Variants in GABRA1 observed in about 807,000 individuals in gnomAD.
The protein encoded by GABRA1 is gamma-aminobutyric acid type A receptor subunit alpha1, also known as gamma-aminobutyric acid receptor subunit alpha-1.
A neutral mutation model predicts 48.9 loss-of-function variants in GABRA1; 9 were observed. That is an observed-to-expected ratio of 0.18 (90% CI 0.11 to 0.32). The LOEUF (loss-of-function observed/expected upper bound fraction) is 0.32, where lower values mean the gene tolerates loss of function less well. GABRA1 is among the 10% of genes least tolerant of loss of function. The pLI, the probability that GABRA1 is intolerant of heterozygous loss-of-function variation, is 1.00. For synonymous variants in GABRA1, 210 were observed against 198.7 expected, an observed-to-expected ratio of 1.06 and a Z score of -0.48; for missense variants, 285 against 553.8, an observed-to-expected ratio of 0.51 and a Z score of 4.87.
chr5:161,874,634 ACTTT>A (rs1754268175), intron 5 of GABRA1, among the ~76,000 whole-genome samples: 1 of 152,134 alleles, frequency 6.6e-6, no homozygotes, highest in Admixed American at 6.6e-5. Flanking sequence ...ATGTGTTTTT[ACTTT>A]CTTTAATAAT....
intron 7 of GABRA1, among the ~76,000 whole-genome samples, chr5:161,883,964 T>C (rs1754728718): frequency 6.6e-6 from 1 of 152,096 alleles, no homozygotes; most frequent in East Asian, 1.9e-4. Context: ...ATAGGCTTTG[T>C]AGTGAGGGAG....
At chr5:161,861,771 G>A (rs1757869348) in intron 3 of GABRA1, among the ~76,000 whole-genome samples, 1 of 151,860 alleles carries the variant, frequency 6.6e-6, no homozygotes, top group African/African-American at 2.4e-5. Context: ...ATACATTGAT[G>A]TTTATGTAGG....
chr5:161,864,604 T>C (rs777548654), intron 3 of GABRA1, among the ~76,000 whole-genome samples: 9 of 151,786 alleles, frequency 5.9e-5, no homozygotes, highest in Non-Finnish European at 1.3e-4. Flanking sequence ...GAGATGCAAA[T>C]ACCCTGGCAT....
At position 161,897,640 on chromosome 5, in the gene GABRA1, G is replaced by A; in HGVS notation, c.*218G>A. ...CAGGATTCTGACAGAGCAAGCGAAA[G>A]AGCAAAGTCATGTCAGAAGGAGACA... On this transcript the variant is annotated 3_prime_UTR_variant, in exon 10 of 10. Transcript: ENST00000393943. 3.7e-6 allele frequency: 2 copies of A among 547,036 alleles called. No individual in the cohort carries two copies. Among genetic ancestry groups the A allele is most frequent in the Non-Finnish European group, 3.2e-6 (1 of 310,910 alleles). 33.9% of individuals were successfully genotyped at this position (547,036 alleles called of 1,614,324 possible).
At chr5:161,859,115 G>A (rs909485225) in intron 3 of GABRA1, among the ~76,000 whole-genome samples, 1 of 151,514 alleles carries the variant, frequency 6.6e-6, no homozygotes. Flanking sequence ...GGTTTTGGGG[G>A]TTTTGTTTTG....
At chr5:161,877,972 C>T (rs759574072) in intron 6 of GABRA1, among the ~76,000 whole-genome samples, 10 of 152,126 alleles carry the variant, frequency 6.6e-5, no homozygotes, top group Non-Finnish European at 1.5e-4. Flanking sequence ...TTGTTGATCA[C>T]AATGCACATT....
At chr5:161,875,415 C>A in intron 5 of GABRA1, 145 bp from the exon 6 acceptor site, 1 of 692,974 alleles carries the variant, frequency 1.4e-6, no homozygotes, top group Non-Finnish European at 2.6e-6. Context: ...ATTTTTAGAT[C>A]ATTTGATTAT....
intron 6 of GABRA1, among the ~76,000 whole-genome samples, chr5:161,877,930 C>T (rs190459798): frequency 2.2e-4 from 33 of 152,210 alleles, no homozygotes; most frequent in Non-Finnish European, 4.1e-4. Context: ...CCCTGATGAC[C>T]TTATCGAAAT....
At chr5:161,895,435 GC>G (rs1755318123) in intron 8 of GABRA1, among the ~76,000 whole-genome samples, 1 of 152,112 alleles carries the variant, frequency 6.6e-6, no homozygotes, top group South Asian at 2.1e-4. Flanking sequence ...CACCTCAATA[GC>G]AGAGCAATTT....
At chr5:161,874,285 A>C (rs1315285750) in intron 5 of GABRA1, among the ~76,000 whole-genome samples, 1 of 152,172 alleles carries the variant, frequency 6.6e-6, no homozygotes, top group East Asian at 1.9e-4. Context: ...AGAAAAGAAA[A>C]AATTCTTCAA....
rs576166615 is a variant in GABRA1 at position 161,898,267 on chromosome 5, A to G, written c.*845A>G. ...TTTTCAGATAGCACATGAGCCCAACACTCACTTAATTCTCATTATGAAGAT... is the reference window on the plus strand; with the variant it reads ...TTTTCAGATAGCACATGAGCCCAACGCTCACTTAATTCTCATTATGAAGAT... On this transcript the variant is annotated 3_prime_UTR_variant, in exon 10 of 10. Transcript: ENST00000393943. 7 of 152,652 alleles carry G rather than the reference A, an allele frequency of 4.6e-5. No individual in the cohort carries two copies. The highest frequency in any genetic ancestry group is 1.0e-4 in the Non-Finnish European group (7 of 67,980). The allele number at this position is 152,652 out of a possible 1,614,324, so 9.5% of individuals were successfully genotyped here.
At chr5:161,854,561 G>T (rs569302213) in intron 3 of GABRA1, among the ~76,000 whole-genome samples, 1 of 151,790 alleles carries the variant, frequency 6.6e-6, no homozygotes, top group South Asian at 2.1e-4. Flanking sequence ...TAAAAACTGG[G>T]ATAATATTCT....
intron 3 of GABRA1, among the ~76,000 whole-genome samples, chr5:161,859,169 G>A (rs1031343682): frequency 1.3e-5 from 2 of 151,684 alleles, no homozygotes; most frequent in East Asian, 1.9e-4. Context: ...TTAGAAGAGC[G>A]TTAGTAACTG....
In GABRA1 at chr5:161,873,351, C is replaced by T. The variant is rs1180737693; in HGVS notation, c.476+14C>T. The T allele has an allele frequency of 6.3e-7, 1 of 1,574,938 alleles. No homozygotes were observed. Among genetic ancestry groups the T allele is most frequent in the Middle Eastern group, 1.7e-4 (1 of 5,982 alleles). On this transcript the variant is annotated intron_variant, in intron 5 of 9. Transcript: ENST00000393943. ...GTACACCATGAGGTAAGGATGGCTG[C>T]ACTGCCATTCATGAATGTTTCTGTA...
chr5:161,880,498 C>T (rs755733818), intron 6 of GABRA1, among the ~76,000 whole-genome samples: 59 of 152,028 alleles, frequency 3.9e-4, no homozygotes, highest in Non-Finnish European at 7.2e-4. Context: ...ATTTTTAAGA[C>T]CATGAGGATA....
At chr5:161,884,377 A>G (rs1368426920) in intron 7 of GABRA1, among the ~76,000 whole-genome samples, 2 of 152,178 alleles carry the variant, frequency 1.3e-5, no homozygotes, top group African/African-American at 4.8e-5. Flanking sequence ...AATTGAACAC[A>G]TAAACTGTAA....
intron 1 of GABRA1, chr5:161,850,482 T>C (rs909985370): frequency 2.0e-5 from 10 of 500,834 alleles, no homozygotes; most frequent in African/African-American, 3.9e-5. Flanking sequence ...TAAACCAAAC[T>C]ATATTCTAAA....
intron 8 of GABRA1, among the ~76,000 whole-genome samples, chr5:161,893,584 T>C (rs888522466): frequency 3.9e-5 from 6 of 152,164 alleles, no homozygotes; most frequent in Non-Finnish European, 5.9e-5. Context: ...TGAAAGAAGG[T>C]TGCAGTCTAT....
chr5:161,867,712 C>T (rs1753932594), intron 4 of GABRA1, among the ~76,000 whole-genome samples: 2 of 151,994 alleles, frequency 1.3e-5, no homozygotes, highest in Admixed American at 6.6e-5. Context: ...TACTCTTTAC[C>T]CATCTAAATC....
Sources: gnomAD v4.1 joint callset for allele counts (sites outside exome capture counted in the v4.1 genomes callset) on GRCh38, gnomAD v4.1.1 for gene constraint, MANE v1.5 for transcripts, NCBI Gene and HGNC (gene_info 2026-07-23, HGNC 2026-07-21) for gene names.